CARS2: variants seen among roughly 807,000 people sequenced by gnomAD.
The protein encoded by CARS2 is probable cysteine--tRNA ligase, mitochondrial.
Under a neutral mutation model 68.8 loss-of-function variants are expected in CARS2, and 52 were observed. The ratio of observed to expected loss-of-function variants is 0.76; its 90% CI spans 0.61 to 0.95. The LOEUF is 0.95. Ranked by LOEUF, CARS2 falls within the 40% of genes least tolerant of loss-of-function variation. CARS2 has a pLI of 0.00. For missense variants in CARS2, 780 were observed against 754.2 expected, an observed-to-expected ratio of 1.03 and a Z score of -0.40; for synonymous variants, 314 against 303.6, an observed-to-expected ratio of 1.03 and a Z score of -0.36.
rs916413077 is a variant in CARS2 at position 110,699,868 on chromosome 13, A to C, written c.393+1570T>G. ...GGGAGAGCCCGAGGAGGCGCCTCCA[A>C]TGTCCCACCTGCCTGTACAACCTCA... On this transcript the variant is annotated intron_variant, in intron 3 of 14. Transcript: ENST00000257347. Among the ~76,000 whole-genome samples, 7 of 152,202 alleles carry C rather than the reference A, an allele frequency of 4.6e-5. 1 individual carries two copies. The highest frequency in any genetic ancestry group is 8.8e-5 in the Non-Finnish European group (6 of 68,028).
At position 110,705,787 on chromosome 13, in the gene CARS2, TCCCCGAG is replaced by T. The variant is rs2063927345; in HGVS notation, c.224+76_224+82del. The T allele has an allele frequency of 6.6e-7, 1 of 1,526,336 alleles. No homozygotes were observed. Among genetic ancestry groups the T allele is most frequent in the Admixed American group, 2.0e-5 (1 of 50,248 alleles). The allele number at this position is 1,526,336 out of a possible 1,614,324, so 94.5% of individuals were successfully genotyped here. A position where few individuals can be genotyped will look rare whatever the true frequency, so the allele number is the denominator to read the frequency against. On this transcript the variant is annotated intron_variant, in intron 1 of 14. Transcript: ENST00000257347. This position sits in a 1 kb window ranked among gnomAD's most constrained non-coding sequence, Gnocchi z 4.0. ...CCTCCATGCAGCTTCCTAAACGCCC[TCCCCGAG>T]CCCAGATCCCGTTCAGCCGTGGGAA... is the stretch of plus-strand genomic sequence containing the variant.
At chr13:110,650,311 T>G (rs886933717) in intron 10 of CARS2, 2 of 152,178 alleles carry the variant, frequency 1.3e-5, no homozygotes, top group African/African-American at 4.8e-5. Context: ...TTGGCCAAAC[T>G]GGTCTCGAAC....
chr13:110,663,763 C>G (rs1450746769), intron 8 of CARS2: 6 of 1,256,666 alleles, frequency 4.8e-6, no homozygotes, highest in Non-Finnish European at 6.0e-6. Flanking sequence ...CAGGGGTGCC[C>G]CAGCTGACTC....
rs1475142913 is a variant in CARS2 at position 110,646,089 on chromosome 13, GC to G, written c.1194del (p.Arg398SerfsTer9). ...GSVREAMLWE[R>X]LSSTKRAVKA... ...TTCACGGCCCTCTTGGTGCTGGAGA[GC>G]CTGAGGGAAGAGGAGAGAACAGTCA... is the stretch of plus-strand genomic sequence containing the variant. On this transcript the variant is annotated frameshift_variant and splice_region_variant, in exon 12 of 15. Transcript: ENST00000257347. LOFTEE classifies it high-confidence loss of function. 3 of 1,612,856 alleles carry G rather than the reference GC, an allele frequency of 1.9e-6. No homozygotes were observed. The highest frequency in any genetic ancestry group is 2.5e-6 in the Non-Finnish European group (3 of 1,179,662).
intron 3 of CARS2, 88 bp from the exon 4 acceptor site, chr13:110,688,106 C>T (rs906165190): frequency 8.5e-5 from 70 of 819,126 alleles, no homozygotes; most frequent in Non-Finnish European, 1.2e-4. Flanking sequence ...GTGCACAACA[C>T]GACAGCAAAC....
At chr13:110,646,806 T>A (rs1888182513) in intron 11 of CARS2, 1 of 342,158 alleles carries the variant, frequency 2.9e-6, no homozygotes, top group Non-Finnish European at 5.3e-6. Flanking sequence ...CGGGAGCCCC[T>A]GACCCCACAC....
intron 9 of CARS2, among the ~76,000 whole-genome samples, chr13:110,658,304 C>A (rs2062420866): frequency 6.6e-6 from 1 of 152,118 alleles, no homozygotes; most frequent in Non-Finnish European, 1.5e-5. Context: ...AGTCCACTTA[C>A]ACGAGATCTA....
chr13:110,656,515 G>A (rs9670068), intron 9 of CARS2, among the ~76,000 whole-genome samples: 11,369 of 152,170 alleles, frequency 0.075, 548 homozygotes, highest in East Asian at 0.17. Flanking sequence ...GTAGATGAGC[G>A]GCTGTCGGGG....
chr13:110,645,151 C>T (rs1887927733), intron 12 of CARS2: 1 of 152,504 alleles, frequency 6.6e-6, no homozygotes, highest in African/African-American at 2.4e-5. Flanking sequence ...GCAGCCTGTT[C>T]CTGCAGCCGG....
At chr13:110,685,837 G>A (rs538249599) in intron 5 of CARS2, among the ~76,000 whole-genome samples, 11 of 152,080 alleles carry the variant, frequency 7.2e-5, no homozygotes, top group African/African-American at 2.7e-4. Context: ...ACAGCAAGAC[G>A]CCAGCCTTGC....
At chr13:110,662,510 CTT>C (rs1343048663) in intron 9 of CARS2, among the ~76,000 whole-genome samples, 1 of 152,266 alleles carries the variant, frequency 6.6e-6, no homozygotes, top group Admixed American at 6.5e-5. Flanking sequence ...ACACATTTCT[CTT>C]TGTTTTTCTC....
At chr13:110,713,451 C>T in exon 1 of CARS2, 3 of 991,156 alleles carry the variant, frequency 3.0e-6, no homozygotes, top group African/African-American at 1.7e-5. Context: ...GTAAAGTTTG[C>T]GCCTCGCCCG....
rs200086880 is a variant in CARS2 at position 110,644,385 on chromosome 13, C to T, written c.1416G>A (p.Gln472=). Residue 472 remains glutamine (Q), a splice_region_variant and synonymous_variant, in exon 13 of 15, where the codon CAG becomes CAA. Coordinates refer to ENST00000257347, the MANE Select transcript of CARS2 (RefSeq NM_024537.4). ...AAGCATTTAAAATAATAGGACCTAC[C>T]TGTTGATTTGCCAGAGAAATTCCAA... is the stretch of plus-strand genomic sequence containing the variant. ...ETVGISLANQ[Q]YVSGDGSEAT... 16 of 1,612,748 alleles carry T rather than the reference C, an allele frequency of 9.9e-6. No individual in the cohort carries two copies. The highest frequency in any genetic ancestry group is 1.4e-5 in the Non-Finnish European group (16 of 1,178,888).
At position 110,641,421 on chromosome 13, in the gene CARS2, T is replaced by C. The variant is rs1014327940; in HGVS notation, c.*116A>G. On this transcript the variant is annotated 3_prime_UTR_variant, in exon 15 of 15. Transcript: ENST00000257347. ...ACAGACGCCAGTGGGACACTGTTGG[T>C]TGCCTTACTTTAATGCTGACCTAGC... 1 of 818,434 alleles carries C rather than the reference T, an allele frequency of 1.2e-6. No homozygotes were observed. The highest frequency in any genetic ancestry group is 2.1e-6 in the Non-Finnish European group (1 of 468,754). 50.7% of individuals were successfully genotyped at this position (818,434 alleles called of 1,614,324 possible). A position where few individuals can be genotyped will look rare whatever the true frequency, so the allele number is the denominator to read the frequency against.
rs569471305 is a variant in CARS2, at chr13:110,670,827, A to T, written c.786-3354T>A. Among the ~76,000 whole-genome samples the T allele has an allele frequency of 1.3e-5, 2 of 152,196 alleles. No individual in the cohort carries two copies. The highest frequency in any genetic ancestry group is 2.9e-5 in the Non-Finnish European group (2 of 68,038). On this transcript the variant is annotated intron_variant, in intron 7 of 14. Transcript: ENST00000257347. The surrounding 1 kb of genome is among the most constrained non-coding windows in gnomAD (Gnocchi z 4.1). ...GCTAAAAACCTTCAAAAAAGATTAGACGAATGGCTAACCAGAATAAACAGC... is the reference window on the plus strand; with the variant it reads ...GCTAAAAACCTTCAAAAAAGATTAGTCGAATGGCTAACCAGAATAAACAGC...
At chr13:110,666,787 C>T in intron 8 of CARS2, 1 of 985,432 alleles carries the variant, frequency 1.0e-6, no homozygotes, top group East Asian at 1.1e-4. Context: ...TGTCCATCCC[C>T]AAAAGGTAAT....
intron 3 of CARS2, among the ~76,000 whole-genome samples, chr13:110,699,861 G>A (rs2063732161): frequency 6.6e-6 from 1 of 152,216 alleles, no homozygotes; most frequent in African/African-American, 2.4e-5. Flanking sequence ...CCGAGGAGGC[G>A]CCTCCAATGT....
chr13:110,696,706 G>A (rs2139904501), intron 3 of CARS2, among the ~76,000 whole-genome samples: 1 of 152,286 alleles, frequency 6.6e-6, no homozygotes, highest in South Asian at 2.1e-4. Flanking sequence ...CAGTTAGAAT[G>A]TTTAACCAAT....
chr13:110,674,589 TA>T (rs2062893331), intron 7 of CARS2, among the ~76,000 whole-genome samples: 3 of 152,226 alleles, frequency 2.0e-5, no homozygotes, highest in Admixed American at 2.0e-4. Context: ...ATGTTAGACC[TA>T]AAACCATAAA....
Sources: allele counts gnomAD v4.1 joint callset (sites outside exome capture counted in the v4.1 genomes callset), GRCh38; gene constraint gnomAD v4.1.1; non-coding constraint Gnocchi (gnomAD v3.1); transcripts MANE v1.5; gene names NCBI Gene and HGNC (gene_info 2026-07-23, HGNC 2026-07-21).